The following NKAIN3 variants were observed in gnomAD, a reference collection of about 807,000 sequenced individuals.
NKAIN3 encodes the protein sodium/potassium transporting ATPase interacting 3, also known as sodium/potassium-transporting ATPase subunit beta-1-interacting protein 3.
NKAIN3 carries 25 observed loss-of-function variants against 30.2 expected under a neutral mutation model. That is an observed-to-expected ratio of 0.83 (90% confidence interval 0.60 to 1.16). The LOEUF (loss-of-function observed/expected upper bound fraction) is 1.16. Among genes scored for constraint, NKAIN3 ranks in the 50% most tolerant of loss-of-function variants. The probability of loss-of-function intolerance (pLI) is 0.00; values close to 1 mark genes in which losing one functional copy is unlikely to be tolerated. For missense variants in NKAIN3, 225 were observed against 254.1 expected (o/e 0.89, Z 0.78); for synonymous variants, 91 against 89.6 (o/e 1.02, Z -0.09).
At chr8:62,542,116 A>C (rs1341130007) in intron 1 of NKAIN3, among the ~76,000 whole-genome samples, 3 of 152,180 alleles carry the variant, frequency 2.0e-5, no homozygotes, top group African/African-American at 7.2e-5. Context: ...TGAGAGTAAA[A>C]ACACAAATCC....
intron 3 of NKAIN3, among the ~76,000 whole-genome samples, chr8:62,723,970 G>A (rs1047901241): frequency 3.9e-5 from 6 of 152,050 alleles, no homozygotes; most frequent in African/African-American, 1.4e-4. Context: ...TTCCATCAAG[G>A]TGGTCCAGCA....
At chr8:62,842,415 A>G (rs1238054517) in intron 4 of NKAIN3, among the ~76,000 whole-genome samples, 4 of 152,120 alleles carry the variant, frequency 2.6e-5, no homozygotes, top group African/African-American at 4.8e-5. Context: ...AATAATTAAT[A>G]TTATTAAAAT....
At chr8:62,751,333 G>C (rs1231137984) in intron 4 of NKAIN3, among the ~76,000 whole-genome samples, 1 of 152,172 alleles carries the variant, frequency 6.6e-6, no homozygotes, top group Non-Finnish European at 1.5e-5. Flanking sequence ...ACATATACTT[G>C]GTTCGAAAAC....
At chr8:62,408,921 T>C (rs1804155920) in intron 1 of NKAIN3, among the ~76,000 whole-genome samples, 1 of 152,202 alleles carries the variant, frequency 6.6e-6, no homozygotes, top group Admixed American at 6.5e-5. Context: ...CTGGGAGATG[T>C]AGTGTTTATT....
chr8:62,585,973 C>G (rs928588933), intron 2 of NKAIN3, among the ~76,000 whole-genome samples: 3 of 152,112 alleles, frequency 2.0e-5, no homozygotes, highest in Non-Finnish European at 4.4e-5. Context: ...ATAATTTAAT[C>G]AAGCAGGTTT....
At chr8:62,467,912 A>G (rs531241404) in intron 1 of NKAIN3, among the ~76,000 whole-genome samples, 20 of 151,948 alleles carry the variant, frequency 1.3e-4, no homozygotes, top group Admixed American at 3.9e-4. Flanking sequence ...GGGGACTGCA[A>G]TTGCACACCA....
intron 1 of NKAIN3, among the ~76,000 whole-genome samples, chr8:62,421,020 C>A (rs1308811733): frequency 1.3e-5 from 2 of 152,096 alleles, no homozygotes; most frequent in African/African-American, 4.8e-5. Context: ...GGCAGATAAT[C>A]CACTCATCAT....
intron 1 of NKAIN3, among the ~76,000 whole-genome samples, chr8:62,386,947 G>A (rs865845200): frequency 3.2e-4 from 47 of 147,240 alleles, no homozygotes; most frequent in South Asian, 6.4e-4. Context: ...GAGAGAAAGA[G>A]AGAGAGAGAG....
chr8:62,946,538 C>T (rs1216661231), intron 5 of NKAIN3, among the ~76,000 whole-genome samples: 1 of 152,178 alleles, frequency 6.6e-6, no homozygotes, highest in East Asian at 1.9e-4. Context: ...TGGTGGGGTG[C>T]TGCGAACTCC....
chr8:62,399,461 C>T (rs958538315), intron 1 of NKAIN3, among the ~76,000 whole-genome samples: 5 of 152,024 alleles, frequency 3.3e-5, no homozygotes, highest in Middle Eastern at 3.2e-3. Flanking sequence ...GCCAAGATCG[C>T]GCCACTGCTC....
chr8:62,796,789 TACACACACAC>T (rs144656283), intron 4 of NKAIN3, among the ~76,000 whole-genome samples: 11 of 146,064 alleles, frequency 7.5e-5, no homozygotes, highest in African/African-American at 2.3e-4. Context: ...GTATCACACA[TACACACACAC>T]ACACACACAC....
chr8:62,594,667 T>A (rs1218276819), intron 3 of NKAIN3, among the ~76,000 whole-genome samples: 8 of 152,226 alleles, frequency 5.3e-5, no homozygotes, highest in South Asian at 4.1e-4. Flanking sequence ...AAGACTTTTT[T>A]AATTCCCCAT....
chr8:62,684,305 T>C (rs1272306595), intron 3 of NKAIN3, among the ~76,000 whole-genome samples: 1 of 152,230 alleles, frequency 6.6e-6, no homozygotes, highest in Non-Finnish European at 1.5e-5. Context: ...GTCAATTTCC[T>C]CTTCTTATAG....
In NKAIN3 at chr8:62,977,189, T is replaced by C. The variant is rs900201789; in HGVS notation, c.*11782T>C. Among the ~76,000 whole-genome samples, 1 of 152,168 alleles carries C rather than the reference T, an allele frequency of 6.6e-6. No homozygotes were observed. Among genetic ancestry groups the C allele is most frequent in the African/African-American group, 2.4e-5 (1 of 41,448 alleles). ...GGGTTGCTCTTCTCAAAGAGTATCT[T>C]TGTGGTGTTCTCTGTATTTCCTGAA... is the stretch of plus-strand genomic sequence containing the variant. On this transcript the variant is annotated 3_prime_UTR_variant, in exon 7 of 7. Transcript: ENST00000623646.
At chr8:62,990,322 T>C (rs1824295766) in intron 5 of NKAIN3, 1 of 1,374,042 alleles carries the variant, frequency 7.3e-7, no homozygotes, top group Non-Finnish European at 9.5e-7. Context: ...TTTTAGAGTG[T>C]CATTCTAAAC....
chr8:62,732,287 A>C (rs940882767), intron 3 of NKAIN3, among the ~76,000 whole-genome samples: 2 of 152,014 alleles, frequency 1.3e-5, no homozygotes, highest in African/African-American at 4.8e-5. Context: ...ATTAAACTTT[A>C]TTGATAATGT....
chr8:62,620,424 T>C (rs140323404), intron 3 of NKAIN3, among the ~76,000 whole-genome samples: 240 of 152,234 alleles, frequency 1.6e-3, no homozygotes, highest in African/African-American at 5.2e-3. Flanking sequence ...CCATATGCCA[T>C]ATGCCATATG....
At chr8:62,537,144 T>C (rs1364925873) in intron 1 of NKAIN3, among the ~76,000 whole-genome samples, 1 of 152,176 alleles carries the variant, frequency 6.6e-6, no homozygotes, top group Non-Finnish European at 1.5e-5. Context: ...AAGGACAAAG[T>C]ACTAACAATA....
chr8:62,579,677 G>A lies in NKAIN3; in HGVS notation c.192+1G>A. ...GTACAGACCTCGATACATAATGGTG[G>A]TAAGTCTTATTTTTATCATTTTGCT... On this transcript the variant is annotated splice_donor_variant, in intron 2 of 6. Transcript: ENST00000623646. LOFTEE classifies it high-confidence loss of function. 6.9e-7 allele frequency: 1 copy of A among 1,458,320 alleles called. No individual in the cohort carries two copies. Among genetic ancestry groups the A allele is most frequent in the Non-Finnish European group, 9.1e-7 (1 of 1,099,080 alleles). The allele number at this position is 1,458,320 out of a possible 1,614,324, so 90.3% of individuals were successfully genotyped here. A position where few individuals can be genotyped will look rare whatever the true frequency, so the allele number is the denominator to read the frequency against.
Sources: allele counts gnomAD v4.1 joint callset (sites outside exome capture counted in the v4.1 genomes callset), GRCh38; gene constraint gnomAD v4.1.1; transcripts MANE v1.5; gene names NCBI Gene and HGNC (gene_info 2026-07-23, HGNC 2026-07-21).